The following CPA6 variants were observed in gnomAD, a reference collection of about 807,000 sequenced individuals.
CPA6 encodes carboxypeptidase A6.
In CPA6, 58 loss-of-function variants were observed where a neutral mutation model predicts 63.3. That is an observed-to-expected ratio of 0.92 (90% CI 0.74 to 1.14). The LOEUF (loss-of-function observed/expected upper bound fraction) is 1.14, where lower values mean the gene tolerates loss of function less well. Among genes scored for constraint, CPA6 ranks in the 50% most tolerant of loss-of-function variants. CPA6 has a pLI of 0.00. For missense variants in CPA6, 565 were observed against 526.6 expected (o/e 1.07, Z -0.71); for synonymous variants, 185 against 179.0 (o/e 1.03, Z -0.27).
At chr8:67,551,816 C>T (rs1165164075) in intron 2 of CPA6, among the ~76,000 whole-genome samples, 2 of 152,112 alleles carry the variant, frequency 1.3e-5, no homozygotes, top group East Asian at 3.9e-4. Flanking sequence ...TTGATTTTTA[C>T]TAGAATATTG....
At chr8:67,636,171 T>C (rs923216569) in intron 1 of CPA6, among the ~76,000 whole-genome samples, 9 of 151,406 alleles carry the variant, frequency 5.9e-5, no homozygotes, top group Non-Finnish European at 1.2e-4. Context: ...CTCTCTCTTG[T>C]TGAATGTAAA....
At chr8:67,585,631 G>T (rs1813910034) in intron 2 of CPA6, among the ~76,000 whole-genome samples, 1 of 152,100 alleles carries the variant, frequency 6.6e-6, no homozygotes, top group Admixed American at 6.6e-5. Flanking sequence ...TAGGGTCTAA[G>T]GATAGTAGGA....
At chr8:67,562,000 G>C (rs1813224454) in intron 2 of CPA6, among the ~76,000 whole-genome samples, 1 of 152,194 alleles carries the variant, frequency 6.6e-6, no homozygotes, top group Non-Finnish European at 1.5e-5. Context: ...ATGGCTGTTG[G>C]AATGGAAGGA....
rs769372961 is a variant in CPA6, at chr8:67,422,385, A to C, written c.*119T>G. ...AAGTCAAATTGCGTGGGGTCTTTTT[A>C]AAGTCCATAGACATGTTCACTCTAA... On this transcript the variant is annotated 3_prime_UTR_variant, in exon 11 of 11. Transcript: ENST00000297770. The C allele has an allele frequency of 2.2e-5, 17 of 768,292 alleles. No homozygotes were observed. Among genetic ancestry groups the C allele is most frequent in the Non-Finnish European group, 3.2e-5 (16 of 494,350 alleles). The allele number at this position is 768,292 out of a possible 1,614,324, so 47.6% of individuals were successfully genotyped here. A position where few individuals can be genotyped will look rare whatever the true frequency, so the allele number is the denominator to read the frequency against.
intron 8 of CPA6, among the ~76,000 whole-genome samples, chr8:67,447,031 T>C (rs1810436150): frequency 7.7e-6 from 1 of 129,606 alleles, no homozygotes; most frequent in Non-Finnish European, 1.5e-5. Flanking sequence ...CACATATATA[T>C]ACACACATAT....
chr8:67,574,643 C>T (rs1385986010), intron 2 of CPA6, among the ~76,000 whole-genome samples: 4 of 152,082 alleles, frequency 2.6e-5, no homozygotes, highest in Non-Finnish European at 5.9e-5. Flanking sequence ...GGGAAAAGGA[C>T]AGTCTGTTCA....
chr8:67,566,772 G>A (rs1380779424), intron 2 of CPA6, among the ~76,000 whole-genome samples: 1 of 152,202 alleles, frequency 6.6e-6, no homozygotes, highest in African/African-American at 2.4e-5. Flanking sequence ...GGAGCTGCTG[G>A]AGAAGCACAG....
At chr8:67,647,140 T>C (rs1345007460) in intron 1 of CPA6, among the ~76,000 whole-genome samples, 1 of 152,060 alleles carries the variant, frequency 6.6e-6, no homozygotes, top group Non-Finnish European at 1.5e-5. Context: ...ATCTAGGATC[T>C]ATCAGAGGGA....
intron 2 of CPA6, among the ~76,000 whole-genome samples, chr8:67,537,898 T>C (rs1226722657): frequency 6.6e-6 from 1 of 152,242 alleles, no homozygotes; most frequent in Non-Finnish European, 1.5e-5. Flanking sequence ...TTTGTTCTCA[T>C]TGGTTTCAAA....
intron 10 of CPA6, among the ~76,000 whole-genome samples, chr8:67,427,787 T>A (rs934160240): frequency 2.0e-5 from 3 of 152,218 alleles, no homozygotes; most frequent in Non-Finnish European, 4.4e-5. Context: ...TCTACTCTCA[T>A]AAGCTCTCAA....
intron 1 of CPA6, among the ~76,000 whole-genome samples, chr8:67,708,279 C>A (rs80320293): frequency 0.014 from 2,092 of 152,240 alleles, 39 homozygotes; most frequent in African/African-American, 0.046. Flanking sequence ...GTTCATAAGG[C>A]TAAAGTTTAT....
chr8:67,448,984 G>A (rs1008178630), intron 8 of CPA6, among the ~76,000 whole-genome samples: 26 of 152,120 alleles, frequency 1.7e-4, no homozygotes, highest in African/African-American at 6.3e-4. Flanking sequence ...AGGGATGGTG[G>A]CTTATGCCTG....
intron 9 of CPA6, among the ~76,000 whole-genome samples, chr8:67,428,443 T>G (rs898246788): frequency 5.9e-5 from 9 of 152,096 alleles, no homozygotes; most frequent in African/African-American, 2.2e-4. Context: ...TTTCTGAGGC[T>G]GACTTAGTGT....
At chr8:67,426,347 G>A (rs1354285864) in intron 10 of CPA6, among the ~76,000 whole-genome samples, 1 of 152,040 alleles carries the variant, frequency 6.6e-6, no homozygotes, top group Non-Finnish European at 1.5e-5. Flanking sequence ...AAGTTGAAAA[G>A]GTAAATGGTT....
intron 2 of CPA6, among the ~76,000 whole-genome samples, chr8:67,594,250 T>G (rs1276575144): frequency 6.6e-5 from 10 of 152,198 alleles, no homozygotes; most frequent in Admixed American, 3.3e-4. Flanking sequence ...TGCCGAGAGA[T>G]CCGCTGTTAG....
chr8:67,696,828 G>C (rs1291324884), intron 1 of CPA6, among the ~76,000 whole-genome samples: 1 of 152,170 alleles, frequency 6.6e-6, no homozygotes, highest in Non-Finnish European at 1.5e-5. Flanking sequence ...TGACTGCTGG[G>C]ATCAAGAAGG....
chr8:67,581,114 G>A (rs1250684501), intron 2 of CPA6, among the ~76,000 whole-genome samples: 2 of 152,080 alleles, frequency 1.3e-5, no homozygotes, highest in African/African-American at 2.4e-5. Context: ...TCCAATGAAC[G>A]AGTATATGTA....
intron 2 of CPA6, among the ~76,000 whole-genome samples, chr8:67,601,060 C>G (rs1021960213): frequency 1.3e-5 from 2 of 152,140 alleles, no homozygotes; most frequent in Non-Finnish European, 2.9e-5. Context: ...AGAACTATTA[C>G]AAGACATCTG....
chr8:67,477,657 G>C (rs907524378), intron 8 of CPA6, among the ~76,000 whole-genome samples: 2 of 152,134 alleles, frequency 1.3e-5, no homozygotes, highest in African/African-American at 4.8e-5. Context: ...GAGTCTTAAG[G>C]GCCTAGTTTG....
Sources: allele counts gnomAD v4.1 joint callset (sites outside exome capture counted in the v4.1 genomes callset), GRCh38; gene constraint gnomAD v4.1.1; transcripts MANE v1.5; gene names NCBI Gene and HGNC (gene_info 2026-07-23, HGNC 2026-07-21).